The following COL4A1 variants were observed in gnomAD, a reference collection of about 807,000 sequenced individuals.
COL4A1 encodes collagen type IV alpha 1 chain.
A neutral mutation model predicts 216.6 loss-of-function variants in COL4A1; 40 were observed. That is an observed-to-expected ratio of 0.18 (90% CI 0.14 to 0.24). COL4A1 has a LOEUF of 0.24. Ranked by LOEUF, COL4A1 falls within the 10% of genes least tolerant of loss-of-function variation. The pLI is 1.00. For missense variants in COL4A1, 1,628 were observed against 2,196.8 expected (o/e 0.74, Z 5.18); for synonymous variants, 839 against 810.7 (o/e 1.03, Z -0.59).
intron 40 of COL4A1, 134 bp downstream of exon 40, chr13:110,173,766 G>T: frequency 2.1e-6 from 2 of 972,754 alleles, no homozygotes; most frequent in Non-Finnish European, 3.2e-6. Context: ...CCACATCAGT[G>T]TTTAAGTAGT....
rs202002553 is a variant in COL4A1, at chr13:110,175,208, C to A, written c.3198+10G>T. 1.9e-6 allele frequency: 3 copies of A among 1,614,070 alleles called. No homozygotes were observed. Among genetic ancestry groups the A allele is most frequent in the Admixed American group, 1.7e-5 (1 of 60,010 alleles). On this transcript the variant is annotated intron_variant, in intron 37 of 51. Coordinates refer to ENST00000375820, the MANE Select transcript of COL4A1 (RefSeq NM_001845.6). ...GAGAAGGGGACCTTTCCACGCAGAG[C>A]GCTGGTTACCTTTTCACCTCGCAGC...
rs1225656864 is a variant in COL4A1, at chr13:110,209,433, A to C, written c.616-6T>G. 6.3e-7 allele frequency: 1 copy of C among 1,599,094 alleles called. No homozygotes were observed. Among genetic ancestry groups the C allele is most frequent in the Non-Finnish European group, 8.5e-7 (1 of 1,172,914 alleles). ...CCGGGAGGGCCTGGGGGACCCTGGG[A>C]GAGACAGCATTTTAATTAAATAGGA... On this transcript the variant is annotated splice_polypyrimidine_tract_variant and splice_region_variant and intron_variant, in intron 10 of 51. Coordinates refer to ENST00000375820, the MANE Select transcript of COL4A1 (RefSeq NM_001845.6).
At chr13:110,282,384 A>C (rs563086673) in intron 1 of COL4A1, among the ~76,000 whole-genome samples, 2 of 152,132 alleles carry the variant, frequency 1.3e-5, no homozygotes, top group East Asian at 3.9e-4. Flanking sequence ...TCACTTTCCT[A>C]CTCATGCTGT....
At chr13:110,181,146 T>G in intron 29 of COL4A1, 146 bp downstream of exon 29, 1 of 700,980 alleles carries the variant, frequency 1.4e-6, no homozygotes, top group Non-Finnish European at 2.6e-6. Context: ...CTACGTTCTC[T>G]GATACTTTCT....
intron 1 of COL4A1, among the ~76,000 whole-genome samples, chr13:110,277,696 G>A (rs550555617): frequency 6.6e-6 from 1 of 152,268 alleles, no homozygotes; most frequent in Non-Finnish European, 1.5e-5. Flanking sequence ...GAAATCTCTT[G>A]GAACCAGGCA....
chr13:110,179,173 A>G (rs894954256), intron 30 of COL4A1, 98 bp downstream of exon 30: 2 of 1,580,324 alleles, frequency 1.3e-6, no homozygotes, highest in Non-Finnish European at 8.7e-7. Context: ...CGTTCGTTCA[A>G]CAAATACATA....
intron 1 of COL4A1, among the ~76,000 whole-genome samples, chr13:110,249,896 G>GT (rs1881998731): frequency 6.6e-6 from 1 of 152,102 alleles, no homozygotes. Flanking sequence ...TAGTATTGTG[G>GT]TTTTAAAGGT....
At chr13:110,194,901 A>T in intron 22 of COL4A1, 122 bp downstream of exon 22, 1 of 769,878 alleles carries the variant, frequency 1.3e-6, no homozygotes, top group Non-Finnish European at 2.3e-6. Flanking sequence ...GAGGGTTCCA[A>T]ATAAAAGGAA....
chr13:110,299,210 C>G (rs181895202), intron 1 of COL4A1, among the ~76,000 whole-genome samples: 15 of 152,374 alleles, frequency 9.8e-5, no homozygotes, highest in African/African-American at 3.6e-4. Context: ...TAAGGCTGCT[C>G]AAGCGGCGGC....
chr13:110,259,236 CTTAA>C (rs1042977290), intron 1 of COL4A1, among the ~76,000 whole-genome samples: 12 of 152,182 alleles, frequency 7.9e-5, no homozygotes, highest in Middle Eastern at 3.2e-3. Flanking sequence ...TCCGTCTAGC[CTTAA>C]TTGTTTTATT....
At position 110,261,035 on chromosome 13, in the gene COL4A1, T is replaced by TAAAAA. The variant is rs1303970828; in HGVS notation, c.85-18302_85-18301insTTTTT. Among the ~76,000 whole-genome samples, 95 of 42,038 alleles carry TAAAAA rather than the reference T, an allele frequency of 2.3e-3. 1 individual carries two copies. Among genetic ancestry groups the TAAAAA allele is most frequent in the East Asian group, 4.7e-3 (8 of 1,712 alleles). The allele number at this position is 42,038 out of a possible 152,430, so 27.6% of individuals were successfully genotyped here. A position where few individuals can be genotyped will look rare whatever the true frequency, so the allele number is the denominator to read the frequency against. On this transcript the variant is annotated intron_variant, in intron 1 of 51. Coordinates refer to ENST00000375820, the MANE Select transcript of COL4A1 (RefSeq NM_001845.6). ...CTGGGTGACAGAGCGAGACTCCGTC[T>TAAAAA]CAAAAAAAAAAAAAAAAAAGGCCAA...
chr13:110,222,066 C>G (rs1044506542), intron 2 of COL4A1, among the ~76,000 whole-genome samples: 21 of 152,208 alleles, frequency 1.4e-4, no homozygotes, highest in Non-Finnish European at 5.9e-5. Flanking sequence ...AGCTCCTGGT[C>G]GGGGCGTCCG....
chr13:110,245,923 C>T (rs115263802), intron 1 of COL4A1, among the ~76,000 whole-genome samples: 1 of 152,234 alleles, frequency 6.6e-6, no homozygotes, highest in African/African-American at 2.4e-5. Flanking sequence ...CGGCCTTCCC[C>T]CACCACCTTA....
chr13:110,240,307 G>A (rs1881503552), intron 2 of COL4A1, among the ~76,000 whole-genome samples: 3 of 152,226 alleles, frequency 2.0e-5, no homozygotes. Flanking sequence ...TGGAGGTGCT[G>A]GGCTCCCTGG....
At chr13:110,267,569 C>T (rs1883091103) in intron 1 of COL4A1, among the ~76,000 whole-genome samples, 1 of 152,120 alleles carries the variant, frequency 6.6e-6, no homozygotes, top group South Asian at 2.1e-4. Flanking sequence ...CAGTAAGCTC[C>T]CCTTATCCAA....
At chr13:110,212,503 T>A in intron 5 of COL4A1, 24 bp from the exon 6 acceptor site, 1 of 1,614,234 alleles carries the variant, frequency 6.2e-7, no homozygotes, top group Non-Finnish European at 8.5e-7. Context: ...AGTGAAAATG[T>A]AACCCAGGCA....
intron 1 of COL4A1, among the ~76,000 whole-genome samples, chr13:110,299,232 A>C (rs1001507004): frequency 1.1e-4 from 16 of 152,212 alleles, no homozygotes; most frequent in Admixed American, 2.6e-4. Context: ...TCAGTGAAAG[A>C]AGTCGGGCTG....
intron 29 of COL4A1, among the ~76,000 whole-genome samples, chr13:110,180,348 A>C (rs946566775): frequency 6.6e-6 from 1 of 152,216 alleles, no homozygotes; most frequent in Non-Finnish European, 1.5e-5. Context: ...TTGTACAAAG[A>C]CAAAGGTCCA....
intron 19 of COL4A1, 22 bp from the exon 20 acceptor site, chr13:110,200,911 T>TG (rs1879162237): frequency 6.2e-7 from 1 of 1,613,624 alleles, no homozygotes; most frequent in African/African-American, 1.3e-5. Context: ...AAGAGAGTGT[T>TG]GGATCAAACA....
Sources: gnomAD v4.1 joint callset for allele counts (sites outside exome capture counted in the v4.1 genomes callset) on GRCh38, gnomAD v4.1.1 for gene constraint, MANE v1.5 for transcripts, NCBI Gene and HGNC (gene_info 2026-07-23, HGNC 2026-07-21) for gene names.